RFX8: variants seen among roughly 807,000 people sequenced by gnomAD.
RFX8 encodes the protein DNA-binding protein RFX8.
In RFX8, 46 loss-of-function variants were observed where a neutral mutation model predicts 54.6. The observed-to-expected ratio is 0.84, with a 90% CI of 0.67 to 1.08. The LOEUF is 1.08. RFX8 is among the 50% of genes least tolerant of loss of function. RFX8 has a pLI of 0.00. For synonymous variants in RFX8, 192 were observed against 209.5 expected (o/e 0.92, Z 0.72); for missense variants, 536 against 562.3 (o/e 0.95, Z 0.47).
At chr2:101,442,903 A>G (rs1688173268) in intron 2 of RFX8, among the ~76,000 whole-genome samples, 1 of 152,028 alleles carries the variant, frequency 6.6e-6, no homozygotes, top group Non-Finnish European at 1.5e-5. Flanking sequence ...CTGCAGAACA[A>G]AGAGGCTTCC....
Position 101,469,120 on chromosome 2 carries a change from ATAAG to A in RFX8, c.-52-2224_-52-2221del, listed in dbSNP as rs1199535149. Among the ~76,000 whole-genome samples the A allele has an allele frequency of 8.6e-5, 10 of 116,548 alleles. No homozygotes were observed. In the East Asian group the frequency reaches 1.4e-3, roughly 16 times the overall value. The allele number at this position is 116,548 out of a possible 152,430, so 76.5% of individuals were successfully genotyped here. A position where few individuals can be genotyped will look rare whatever the true frequency, so the allele number is the denominator to read the frequency against. Reference sequence around the variant, plus strand: ...TATATATATATAAGTGTATATATATATAAGTATATATATATAAGTATATATATAT... The same window carrying A: ...TATATATATATAAGTGTATATATATATATATATATATAAGTATATATATAT... On this transcript the variant is annotated intron_variant, in intron 1 of 11. Coordinates refer to ENST00000428343, the MANE Select transcript of RFX8 (RefSeq NM_001145664.2).
At chr2:101,428,130 C>A (rs1031447384) in intron 2 of RFX8, among the ~76,000 whole-genome samples, 1 of 152,008 alleles carries the variant, frequency 6.6e-6, no homozygotes, top group Admixed American at 6.6e-5. Context: ...CCTGTCTCTA[C>A]GAAAAATACA....
intron 6 of RFX8, 35 bp from the exon 7 acceptor site, chr2:101,414,947 T>C: frequency 6.8e-7 from 1 of 1,480,842 alleles, no homozygotes; most frequent in Non-Finnish European, 9.2e-7. Context: ...ATTAATACAA[T>C]AACTTCAAGT....
At chr2:101,398,242 A>AGGGATGGTGCAG (rs1685233480) in intron 11 of RFX8, among the ~76,000 whole-genome samples, 1 of 152,198 alleles carries the variant, frequency 6.6e-6, no homozygotes, top group Admixed American at 6.5e-5. Context: ...TTTGCAAGGC[A>AGGGATGGTGCAG]GGGATGGTGC....
At position 101,422,390 on chromosome 2, in the gene RFX8, T is replaced by C; in HGVS notation, c.155A>G (p.Glu52Gly). Reference sequence around the variant, plus strand: ...ATTACAGGAGTATTTCTTTGCCTGTTCTTGCTCCAGAAATGGACATCTCCT... The same window carrying C: ...ATTACAGGAGTATTTCTTTGCCTGTCCTTGCTCCAGAAATGGACATCTCCT... ...EFRRCPFLEQ[E>G]QAKKYSCNMM... Residue 52 changes from glutamate to glycine, a missense_variant, in exon 3 of 12, where the codon GAA (glutamate) becomes GGA (glycine). Coordinates refer to ENST00000428343, the MANE Select transcript of RFX8 (RefSeq NM_001145664.2). The C allele has an allele frequency of 1.9e-6, 3 of 1,544,918 alleles. No individual in the cohort carries two copies. Among genetic ancestry groups the C allele is most frequent in the Non-Finnish European group, 2.6e-6 (3 of 1,140,758 alleles).
chr2:101,421,365 G>A (rs188163763), intron 4 of RFX8: 29 of 1,006,320 alleles, frequency 2.9e-5, no homozygotes, highest in East Asian at 9.9e-5. Flanking sequence ...CAGTTAGCGC[G>A]TATCAATCAA....
At chr2:101,436,718 C>T (rs1186440125) in intron 2 of RFX8, among the ~76,000 whole-genome samples, 5 of 152,158 alleles carry the variant, frequency 3.3e-5, no homozygotes, top group African/African-American at 1.2e-4. Flanking sequence ...TCGTAAAAGT[C>T]GTGTGTGAGA....
intron 2 of RFX8, among the ~76,000 whole-genome samples, chr2:101,465,169 T>A (rs942325659): frequency 1.3e-5 from 2 of 152,182 alleles, no homozygotes; most frequent in African/African-American, 4.8e-5. Flanking sequence ...GAAGACTGGA[T>A]GAACCACCTG....
chr2:101,450,047 T>C (rs962469), intron 2 of RFX8, among the ~76,000 whole-genome samples: 115,003 of 151,906 alleles, frequency 0.76, 44,466 homozygotes, highest in Middle Eastern at 0.89. Context: ...TCTAAGGAAA[T>C]GAACCAGAAA....
chr2:101,409,905 C>T (rs1338468993), intron 9 of RFX8, among the ~76,000 whole-genome samples: 1 of 152,106 alleles, frequency 6.6e-6, no homozygotes, highest in Non-Finnish European at 1.5e-5. Context: ...CTCCACTGCC[C>T]CCATGGAGGA....
Position 101,435,806 on chromosome 2 carries a change from A to G in RFX8, c.73-13334T>C, listed in dbSNP as rs564789628. 1.3e-4 allele frequency among the ~76,000 whole-genome samples: 19 copies of G among 145,102 alleles called. No homozygotes were observed. The South Asian group carries it at 3.7e-3, about 28-fold the overall frequency. On this transcript the variant is annotated intron_variant, in intron 2 of 11. Coordinates refer to ENST00000428343, the MANE Select transcript of RFX8 (RefSeq NM_001145664.2). ...AGGTGGTCTTGTTCATATGGCACACATTGCACATTTATGGTCATTTTCATT... is the reference window on the plus strand; with the variant it reads ...AGGTGGTCTTGTTCATATGGCACACGTTGCACATTTATGGTCATTTTCATT...
intron 2 of RFX8, among the ~76,000 whole-genome samples, chr2:101,425,790 A>G (rs1573402410): frequency 6.6e-6 from 1 of 152,234 alleles, no homozygotes; most frequent in Non-Finnish European, 1.5e-5. Flanking sequence ...ACCTAAAGTA[A>G]AAGTAGCGTA....
chr2:101,455,474 T>TTA (rs879652253), intron 2 of RFX8, among the ~76,000 whole-genome samples: 3 of 152,230 alleles, frequency 2.0e-5, no homozygotes, highest in Non-Finnish European at 2.9e-5. Flanking sequence ...AAATAGGGAA[T>TTA]GCTTTCCCCA....
chr2:101,414,428 G>A (rs906538950), intron 7 of RFX8, among the ~76,000 whole-genome samples: 4 of 106,334 alleles, frequency 3.8e-5, no homozygotes, highest in Admixed American at 2.1e-4. Context: ...ACCATGCCCA[G>A]CTAGTTTTTG....
chr2:101,414,068 T>C (rs1686333550), intron 7 of RFX8, among the ~76,000 whole-genome samples: 1 of 152,170 alleles, frequency 6.6e-6, no homozygotes, highest in Non-Finnish European at 1.5e-5. Flanking sequence ...TCTTCAGCCC[T>C]TCTCAACCTT....
At chr2:101,431,310 T>A (rs1687472032) in intron 2 of RFX8, among the ~76,000 whole-genome samples, 1 of 152,178 alleles carries the variant, frequency 6.6e-6, no homozygotes, top group South Asian at 2.1e-4. Flanking sequence ...TCATCACTAA[T>A]CACAAAGATG....
At chr2:101,438,636 T>C (rs554537857) in intron 2 of RFX8, among the ~76,000 whole-genome samples, 5 of 152,210 alleles carry the variant, frequency 3.3e-5, no homozygotes, top group African/African-American at 4.8e-5. Context: ...ATTGTATGTT[T>C]GGTTTAATAA....
chr2:101,415,275 G>A (rs7558051), intron 6 of RFX8, among the ~76,000 whole-genome samples: 469 of 152,266 alleles, frequency 3.1e-3, no homozygotes, highest in African/African-American at 0.011. Context: ...TTCCCATGAA[G>A]AGGATTAGAG....
intron 2 of RFX8, among the ~76,000 whole-genome samples, chr2:101,451,816 G>A (rs1270027220): frequency 2.0e-5 from 3 of 152,158 alleles, no homozygotes; most frequent in African/African-American, 4.8e-5. Context: ...CTCCAAGGCC[G>A]GACGTGGTGG....
Sources: allele counts gnomAD v4.1 joint callset (sites outside exome capture counted in the v4.1 genomes callset), GRCh38; gene constraint gnomAD v4.1.1; transcripts MANE v1.5; gene names NCBI Gene and HGNC (gene_info 2026-07-23, HGNC 2026-07-21).